SNN: variants seen among roughly 807,000 people sequenced by gnomAD.
The protein encoded by SNN is AG8_1.
SNN carries 5 observed loss-of-function variants against 5.3 expected under a neutral mutation model. The ratio of observed to expected loss-of-function variants is 0.94; its 90% CI spans 0.49 to 1.97. SNN has a LOEUF of 1.97. Among genes scored for constraint, SNN ranks in the 30% most tolerant of loss-of-function variants. SNN has a pLI of 0.01. For missense variants in SNN, 127 were observed against 121.6 expected (o/e 1.04, Z -0.21); for synonymous variants, 67 against 52.1 (o/e 1.29, Z -1.24).
intron 1 of SNN, among the ~76,000 whole-genome samples, chr16:11,669,456 G>C (rs534219840): frequency 3.3e-5 from 5 of 152,220 alleles, no homozygotes; most frequent in South Asian, 4.1e-4. Context: ...TTGGATGCAG[G>C]TTGCCTGGGT....
chr16:11,669,957 A>G (rs1156660338), intron 1 of SNN, among the ~76,000 whole-genome samples: 1 of 152,202 alleles, frequency 6.6e-6, no homozygotes, highest in East Asian at 1.9e-4. Flanking sequence ...CAGCCCCATC[A>G]GTGTCAGTCC....
chr16:11,676,264 G>A lies in SNN; in HGVS notation c.205G>A (p.Gly69Arg), dbSNP rs1462225652. The A allele has an allele frequency of 4.3e-6, 7 of 1,614,214 alleles. No homozygotes were observed. In the East Asian group the frequency reaches 6.7e-5, roughly 15 times the overall value. ...PFLLVQYSAK[G>R]PCVERKAKLM... ...CCTGCTGGTGCAGTATTCGGCCAAG[G>A]GACCGTGCGTGGAGAGAAAGGCCAA... Residue 69 changes from glycine to arginine, a missense_variant, in exon 2 of 2, where the codon GGA becomes AGA. Coordinates refer to ENST00000329565, the MANE Select transcript of SNN (RefSeq NM_003498.6).
chr16:11,676,187 A>T lies in SNN; in HGVS notation c.128A>T (p.Gln43Leu). Residue 43 changes from glutamine (Q) to leucine (L), a missense_variant, in exon 2 of 2, where the codon CAG (glutamine) becomes CTG (leucine). Gln to Leu is a moderately radical substitution (Grantham distance 113). Transcript: ENST00000329565. ...WCYLRLQRIS[Q>L]SEDEESIVGD... ...TACCTGCGGCTGCAGCGCATCAGCC[A>T]GTCAGAGGACGAGGAGAGCATCGTG... The T allele has an allele frequency of 6.2e-7, 1 of 1,614,234 alleles. No homozygotes were observed. The highest frequency in any genetic ancestry group is 8.5e-7 in the Non-Finnish European group (1 of 1,180,030).
Position 11,668,589 on chromosome 16 carries a change from G to T in SNN, c.-86+49G>T. 6.9e-6 allele frequency: 1 copy of T among 145,524 alleles called. No homozygotes were observed. Among genetic ancestry groups the T allele is most frequent in the South Asian group, 1.9e-4 (1 of 5,394 alleles). 9.0% of individuals were successfully genotyped at this position (145,524 alleles called of 1,614,324 possible). ...GCGCTCGGGCCGGGCGGGGGCGCCG[G>T]GGCCCGGGGGCGGGAAGGGGGAGGC... On this transcript the variant is annotated intron_variant, in intron 1 of 1. Coordinates refer to ENST00000329565, the MANE Select transcript of SNN (RefSeq NM_003498.6). This position sits in a 1 kb window ranked among gnomAD's most constrained non-coding sequence, Gnocchi z 6.8.
intron 1 of SNN, among the ~76,000 whole-genome samples, chr16:11,670,411 G>A (rs1331013598): frequency 2.0e-5 from 3 of 152,182 alleles, no homozygotes; most frequent in Non-Finnish European, 4.4e-5. Context: ...CTGGGGAAGG[G>A]GTGTTTGTGG....
In SNN at chr16:11,669,680, G is replaced by A. The variant is rs563850992; in HGVS notation, c.-86+1140G>A. ...ACTTTCTCCGGCATCTACAAGCAAA[G>A]TTGTTTGGCCAAACAGGCCAACCCT... On this transcript the variant is annotated intron_variant, in intron 1 of 1. Transcript: ENST00000329565. Among the ~76,000 whole-genome samples, 5 of 152,346 alleles carry A rather than the reference G, an allele frequency of 3.3e-5. No homozygotes were observed. In the South Asian group the frequency reaches 1.0e-3, roughly 32 times the overall value.
rs745585447 is a variant in SNN, at chr16:11,676,806, C to T, written c.*480C>T. 13 of 173,460 alleles carry T rather than the reference C, an allele frequency of 7.5e-5. No homozygotes were observed. The highest frequency in any genetic ancestry group is 1.8e-4 in the Non-Finnish European group (13 of 71,524). 10.7% of individuals were successfully genotyped at this position (173,460 alleles called of 1,614,324 possible). On this transcript the variant is annotated 3_prime_UTR_variant, in exon 2 of 2. Transcript: ENST00000329565. ...GGTCATAGGCTTGTAAAGGCCCACGCCACACTCGGCAGGGGTCTCTCATGT... is the reference window on the plus strand; with the variant it reads ...GGTCATAGGCTTGTAAAGGCCCACGTCACACTCGGCAGGGGTCTCTCATGT...
At chr16:11,675,887 G>T in intron 1 of SNN, 88 bp from the exon 2 acceptor site, 1 of 661,596 alleles carries the variant, frequency 1.5e-6, no homozygotes, top group Non-Finnish European at 2.5e-6. Context: ...TTGTCAGGGT[G>T]AGGGTGGGAT....
intron 1 of SNN, among the ~76,000 whole-genome samples, chr16:11,673,384 T>C (rs1334753502): frequency 6.6e-6 from 1 of 152,024 alleles, no homozygotes; most frequent in Admixed American, 6.5e-5. Flanking sequence ...GTGGCCATGC[T>C]CCAGAAGCCA....
At chr16:11,674,633 G>A (rs561637847) in intron 1 of SNN, among the ~76,000 whole-genome samples, 170 of 152,358 alleles carry the variant, frequency 1.1e-3, no homozygotes, top group African/African-American at 4.0e-3. Context: ...GTGGAGCACA[G>A]GCTTGGCCTG....
In SNN at chr16:11,676,008, T is replaced by G; in HGVS notation, c.-52T>G. On this transcript the variant is annotated 5_prime_UTR_variant, in exon 2 of 2. It removes the in-frame stop codon of an upstream open reading frame in the 5' UTR. Coordinates refer to ENST00000329565, the MANE Select transcript of SNN (RefSeq NM_003498.6). ...TGTCCAGCCTGAGTTCCAGCCTCAC[T>G]GAGTGGCCACCCCCAAAGTGCTGCC... The G allele has an allele frequency of 2.6e-6, 4 of 1,530,108 alleles. No homozygotes were observed. Among genetic ancestry groups the G allele is most frequent in the Non-Finnish European group, 3.5e-6 (4 of 1,138,128 alleles). 94.8% of individuals were successfully genotyped at this position (1,530,108 alleles called of 1,614,324 possible).
chr16:11,669,614 G>C (rs2050253589), intron 1 of SNN, among the ~76,000 whole-genome samples: 1 of 152,252 alleles, frequency 6.6e-6, no homozygotes, highest in Admixed American at 6.5e-5. Flanking sequence ...ACATCTGCGT[G>C]AGCTGTTTAT....
rs1401213418 is a variant in SNN, at chr16:11,668,482, C to G, written c.-144C>G. On this transcript the variant is annotated 5_prime_UTR_variant, in exon 1 of 2. Coordinates refer to ENST00000329565, the MANE Select transcript of SNN (RefSeq NM_003498.6). The surrounding 1 kb of genome is among the most constrained non-coding windows in gnomAD (Gnocchi z 6.8). ...GTGCGCGGCGGCCGGACCGGGCGGG[C>G]GGAGCCGGGCCCGCGGGGCTGCTGC... The G allele has an allele frequency of 6.9e-6, 1 of 145,228 alleles. No homozygotes were observed. The highest frequency in any genetic ancestry group is 2.5e-5 in the African/African-American group (1 of 40,482). 9.0% of individuals were successfully genotyped at this position (145,228 alleles called of 1,614,324 possible).
chr16:11,670,757 G>T (rs181581292), intron 1 of SNN, among the ~76,000 whole-genome samples: 87 of 152,304 alleles, frequency 5.7e-4, no homozygotes, highest in Admixed American at 5.0e-3. Context: ...GCTCTACTGC[G>T]GTCTGTGGGC....
rs1336980570 is a variant in SNN at position 11,676,567 on chromosome 16, G to A, written c.*241G>A. ...CAGGCCTGACCTTGCTGGGGCTCAT[G>A]GCCCTGTAGCGCTTTTGTTACTTGA... On this transcript the variant is annotated 3_prime_UTR_variant, in exon 2 of 2. Transcript: ENST00000329565. 1 of 544,270 alleles carries A rather than the reference G, an allele frequency of 1.8e-6. No individual in the cohort carries two copies. Among genetic ancestry groups the A allele is most frequent in the African/African-American group, 1.9e-5 (1 of 53,142 alleles). 33.7% of individuals were successfully genotyped at this position (544,270 alleles called of 1,614,324 possible). A position where few individuals can be genotyped will look rare whatever the true frequency, so the allele number is the denominator to read the frequency against.
chr16:11,675,239 TTC>T (rs2050291302), intron 1 of SNN, among the ~76,000 whole-genome samples: 1 of 151,600 alleles, frequency 6.6e-6, no homozygotes, highest in Admixed American at 6.6e-5. Context: ...TCATTGTCAT[TTC>T]TTTTTCTTTT....
At position 11,672,384 on chromosome 16, in the gene SNN, G is replaced by A. The variant is rs373288624; in HGVS notation, c.-85-3591G>A. 2.0e-5 allele frequency among the ~76,000 whole-genome samples: 3 copies of A among 152,130 alleles called. No individual in the cohort carries two copies. Among genetic ancestry groups the A allele is most frequent in the Admixed American group, 2.0e-4 (3 of 15,288 alleles). On this transcript the variant is annotated intron_variant, in intron 1 of 1. Coordinates refer to ENST00000329565, the MANE Select transcript of SNN (RefSeq NM_003498.6). This position sits in a 1 kb window ranked among gnomAD's most constrained non-coding sequence, Gnocchi z 6.0. ...AGGAGGGGCGCCTGGGTCCAGGGTG[G>A]TCTGGGAGGGCAGCCTGCAAGAGGC...
At chr16:11,670,770 C>G (rs1045518678) in intron 1 of SNN, among the ~76,000 whole-genome samples, 2 of 152,172 alleles carry the variant, frequency 1.3e-5, no homozygotes, top group African/African-American at 4.8e-5. Flanking sequence ...CTGTGGGCCC[C>G]CCGGGCCTAG....
chr16:11,676,919 T>C lies in SNN; in HGVS notation c.*593T>C, dbSNP rs574944298. The stretch of plus-strand genomic sequence containing the variant: ...TTGGGGTGCTTGGGTGATCTCTGCT[T>C]CATTAGTCATGGGTGGAAGAAAAAC... On this transcript the variant is annotated 3_prime_UTR_variant, in exon 2 of 2. Coordinates refer to ENST00000329565, the MANE Select transcript of SNN (RefSeq NM_003498.6). 1 of 168,174 alleles carries C rather than the reference T, an allele frequency of 5.9e-6. No homozygotes were observed. Among genetic ancestry groups the C allele is most frequent in the Admixed American group, 6.5e-5 (1 of 15,422 alleles). 10.4% of individuals were successfully genotyped at this position (168,174 alleles called of 1,614,324 possible).
Sources: allele counts gnomAD v4.1 joint callset (sites outside exome capture counted in the v4.1 genomes callset), GRCh38; gene constraint gnomAD v4.1.1; non-coding constraint Gnocchi (gnomAD v3.1); transcripts MANE v1.5; gene names NCBI Gene and HGNC (gene_info 2026-07-23, HGNC 2026-07-21).